Variants in FOXN2 observed in about 807,000 individuals in gnomAD.
FOXN2 encodes the protein forkhead box N2.
In FOXN2, 19 loss-of-function variants were observed where a neutral mutation model predicts 41.2. The ratio of observed to expected loss-of-function variants is 0.46; its 90% confidence interval spans 0.32 to 0.68. The LOEUF is 0.68. FOXN2 is among the 30% of genes least tolerant of loss of function. FOXN2 has a pLI of 0.03. For missense variants in FOXN2, 587 were observed against 509.4 expected (o/e 1.15, Z -1.47); for synonymous variants, 195 against 176.8 (o/e 1.10, Z -0.82).
chr2:48,353,144 A>G (rs993115068), intron 3 of FOXN2, among the ~76,000 whole-genome samples: 3 of 152,158 alleles, frequency 2.0e-5, no homozygotes, highest in African/African-American at 4.8e-5. Flanking sequence ...TTTAGTAAAT[A>G]TGACTTACTA....
At chr2:48,318,278 A>G (rs1669067910) in intron 1 of FOXN2, among the ~76,000 whole-genome samples, 1 of 152,080 alleles carries the variant, frequency 6.6e-6, no homozygotes, top group South Asian at 2.1e-4. Flanking sequence ...TTTTTGTTCC[A>G]GAATTTCACT....
intron 1 of FOXN2, among the ~76,000 whole-genome samples, chr2:48,315,053 G>A (rs1380029010): frequency 6.6e-6 from 1 of 152,086 alleles, no homozygotes. Flanking sequence ...ACTGAGGGGA[G>A]TGTGGCTTGT....
chr2:48,378,393 TC>T lies in FOXN2; in HGVS notation c.*2951del, dbSNP rs2104560588. 1 of 151,714 alleles carries T rather than the reference TC, an allele frequency of 6.6e-6. No homozygotes were observed. The highest frequency in any genetic ancestry group is 2.1e-4 in the South Asian group (1 of 4,792). The allele number at this position is 151,714 out of a possible 1,614,324, so 9.4% of individuals were successfully genotyped here. Reference sequence around the variant, plus strand: ...AAAGTTTAGTATATATATATTTTTTTCTTTTTGCTACTTTCTGAGGCATTAT... The same window carrying T: ...AAAGTTTAGTATATATATATTTTTTTTTTTTGCTACTTTCTGAGGCATTAT... On this transcript the variant is annotated 3_prime_UTR_variant, in exon 7 of 7. Transcript: ENST00000340553.
At chr2:48,348,130 T>C (rs1051402544) in intron 3 of FOXN2, among the ~76,000 whole-genome samples, 1 of 152,182 alleles carries the variant, frequency 6.6e-6, no homozygotes, top group Non-Finnish European at 1.5e-5. Context: ...TTTTGCTCAT[T>C]ATCTCTTCAA....
intron 3 of FOXN2, among the ~76,000 whole-genome samples, chr2:48,357,872 A>G (rs974323310): frequency 2.4e-4 from 37 of 151,840 alleles, no homozygotes; most frequent in African/African-American, 8.9e-4. Flanking sequence ...GAAAAAAAAA[A>G]AAAAAAAAAG....
At chr2:48,372,338 T>C (rs535759953) in intron 5 of FOXN2, among the ~76,000 whole-genome samples, 27 of 152,308 alleles carry the variant, frequency 1.8e-4, no homozygotes, top group African/African-American at 6.0e-4. Flanking sequence ...TCTTCATGGC[T>C]TTATTATCTA....
chr2:48,377,675 A>G lies in FOXN2; in HGVS notation c.*2232A>G, dbSNP rs577112670. ...TAAGTTATATTCATCACTAGCAAGGATGATAAACACTTGTGCACTGAAAGC... is the reference window on the plus strand; with the variant it reads ...TAAGTTATATTCATCACTAGCAAGGGTGATAAACACTTGTGCACTGAAAGC... On this transcript the variant is annotated 3_prime_UTR_variant, in exon 7 of 7. Coordinates refer to ENST00000340553, the MANE Select transcript of FOXN2 (RefSeq NM_002158.4). 1 of 152,194 alleles carries G rather than the reference A, an allele frequency of 6.6e-6. No individual in the cohort carries two copies. The highest frequency in any genetic ancestry group is 2.1e-4 in the South Asian group (1 of 4,834). 9.4% of individuals were successfully genotyped at this position (152,194 alleles called of 1,614,324 possible). A position where few individuals can be genotyped will look rare whatever the true frequency, so the allele number is the denominator to read the frequency against.
intron 2 of FOXN2, among the ~76,000 whole-genome samples, chr2:48,337,345 T>C (rs529438397): frequency 5.9e-5 from 9 of 151,802 alleles, no homozygotes; most frequent in Middle Eastern, 3.4e-3. Flanking sequence ...TTGCTTAGGC[T>C]GGTGTGTAGT....
chr2:48,321,777 A>T (rs1669338193), intron 1 of FOXN2, among the ~76,000 whole-genome samples: 1 of 152,210 alleles, frequency 6.6e-6, no homozygotes, highest in African/African-American at 2.4e-5. Context: ...TGGTAAGGGT[A>T]AAAGTATTAT....
intron 3 of FOXN2, among the ~76,000 whole-genome samples, chr2:48,350,727 G>C (rs1352589049): frequency 6.6e-6 from 1 of 152,196 alleles, no homozygotes; most frequent in Admixed American, 6.5e-5. Context: ...TCTTCCTCTG[G>C]AGCACCAGAT....
At chr2:48,368,332 A>G (rs1015752448) in intron 5 of FOXN2, among the ~76,000 whole-genome samples, 1 of 152,228 alleles carries the variant, frequency 6.6e-6, no homozygotes, top group African/African-American at 2.4e-5. Context: ...TACCATTATG[A>G]AGTATTTTCA....
intron 1 of FOXN2, among the ~76,000 whole-genome samples, chr2:48,328,197 C>T (rs922251946): frequency 1.3e-5 from 2 of 152,140 alleles, no homozygotes; most frequent in East Asian, 1.9e-4. Context: ...TTAGGACTTT[C>T]GCTCTGTTGA....
intron 2 of FOXN2, among the ~76,000 whole-genome samples, chr2:48,345,369 G>A (rs1671030783): frequency 6.6e-6 from 1 of 152,058 alleles, no homozygotes; most frequent in African/African-American, 2.4e-5. Context: ...AGGGGGAGAT[G>A]TTAGTCAAAG....
intron 5 of FOXN2, among the ~76,000 whole-genome samples, chr2:48,370,214 T>C (rs1672800024): frequency 6.6e-6 from 1 of 152,042 alleles, no homozygotes; most frequent in South Asian, 2.1e-4. Context: ...TTGCCTTTTT[T>C]CCAACTCACA....
Position 48,375,303 on chromosome 2 carries a change from C to G in FOXN2, c.1156C>G (p.Arg386Gly), listed in dbSNP as rs767260719. The change falls in exon 7 of 7, where the codon CGA (arginine) becomes GGA (glycine). Residue 386 changes from arginine to glycine, a missense_variant. By Grantham distance (125) the Arg-to-Gly change is moderately radical. Coordinates refer to ENST00000340553, the MANE Select transcript of FOXN2 (RefSeq NM_002158.4). ...AAAAGGGCAGTCAGGCAAAAAGATGCGAAAACAGACATGTCAAGAAATTGA... is the reference window on the plus strand; with the variant it reads ...AAAAGGGCAGTCAGGCAAAAAGATGGGAAAACAGACATGTCAAGAAATTGA... ...SEKGQSGKKM[R>G]KQTCQEIDEE... 1.2e-6 allele frequency: 2 copies of G among 1,613,778 alleles called. No homozygotes were observed. The highest frequency in any genetic ancestry group is 1.7e-5 in the Admixed American group (1 of 59,934).
intron 1 of FOXN2, among the ~76,000 whole-genome samples, chr2:48,317,459 A>AATT (rs1377485859): frequency 4.6e-5 from 7 of 151,602 alleles, no homozygotes; most frequent in African/African-American, 1.7e-4. Context: ...AAAAAAAAAA[A>AATT]ATTTTTTTTT....
chr2:48,328,810 A>G (rs1434335210), intron 2 of FOXN2, 108 bp downstream of exon 2: 1 of 152,110 alleles, frequency 6.6e-6, no homozygotes, highest in Non-Finnish European at 1.5e-5. Flanking sequence ...ATTGATAGCA[A>G]TCCTTAAGTT....
At chr2:48,329,823 T>A (rs1343584839) in intron 2 of FOXN2, among the ~76,000 whole-genome samples, 2 of 152,176 alleles carry the variant, frequency 1.3e-5, no homozygotes, top group East Asian at 3.8e-4. Context: ...TGTGAGTTCC[T>A]TCCTTTTATA....
At chr2:48,322,318 A>T (rs1669383532) in intron 1 of FOXN2, among the ~76,000 whole-genome samples, 1 of 152,062 alleles carries the variant, frequency 6.6e-6, no homozygotes, top group South Asian at 2.1e-4. Flanking sequence ...GTAAAGTGAA[A>T]CAAATGCAGA....
Sources: gnomAD v4.1 joint callset for allele counts (sites outside exome capture counted in the v4.1 genomes callset) on GRCh38, gnomAD v4.1.1 for gene constraint, MANE v1.5 for transcripts, NCBI Gene and HGNC (gene_info 2026-07-23, HGNC 2026-07-21) for gene names.